Variants in KCNJ3 observed in about 807,000 individuals in gnomAD.
KCNJ3 encodes the protein G protein-activated inward rectifier potassium channel 1.
Under a neutral mutation model 39.2 loss-of-function variants are expected in KCNJ3, and 4 were observed. That is an observed-to-expected ratio of 0.10 (90% CI 0.05 to 0.23). The LOEUF is 0.23. Among genes scored for constraint, KCNJ3 ranks in the 10% least tolerant of loss-of-function variants. KCNJ3 has a pLI of 1.00. For missense variants in KCNJ3, 276 were observed against 634.9 expected (o/e 0.43, Z 6.08); for synonymous variants, 230 against 237.4 (o/e 0.97, Z 0.29).
intron 2 of KCNJ3, among the ~76,000 whole-genome samples, chr2:154,810,636 T>G (rs1391456848): frequency 1.3e-5 from 2 of 152,102 alleles, no homozygotes; most frequent in African/African-American, 2.4e-5. Context: ...AAAAAATCAT[T>G]AAGTGGTACC....
At chr2:154,804,243 G>A (rs116131527) in intron 2 of KCNJ3, among the ~76,000 whole-genome samples, 86 of 152,178 alleles carry the variant, frequency 5.7e-4, no homozygotes, top group African/African-American at 2.0e-3. Flanking sequence ...ATGAATGTTG[G>A]TAAATGTTGA....
chr2:154,798,378 A>C (rs1686756935), intron 2 of KCNJ3, among the ~76,000 whole-genome samples: 1 of 152,310 alleles, frequency 6.6e-6, no homozygotes, highest in African/African-American at 2.4e-5. Flanking sequence ...AATCTCAATC[A>C]AAATCTCAAC....
intron 2 of KCNJ3, among the ~76,000 whole-genome samples, chr2:154,757,647 C>G (rs957836097): frequency 1.3e-5 from 2 of 152,208 alleles, no homozygotes; most frequent in Admixed American, 1.3e-4. Flanking sequence ...GTTCAGGCTG[C>G]TATAACAAAA....
At chr2:154,751,263 A>G (rs959569260) in intron 2 of KCNJ3, among the ~76,000 whole-genome samples, 1 of 152,036 alleles carries the variant, frequency 6.6e-6, no homozygotes, top group African/African-American at 2.4e-5. Context: ...TATATGCTAT[A>G]CATTTTCTTC....
At chr2:154,813,909 T>C (rs918816364) in intron 2 of KCNJ3, among the ~76,000 whole-genome samples, 10 of 152,190 alleles carry the variant, frequency 6.6e-5, no homozygotes, top group Admixed American at 4.6e-4. Flanking sequence ...CCCTTTAATG[T>C]TATGTTTCAA....
chr2:154,705,236 CAAAT>C (rs533065885), intron 1 of KCNJ3, among the ~76,000 whole-genome samples: 1 of 152,114 alleles, frequency 6.6e-6, no homozygotes, highest in Non-Finnish European at 1.5e-5. Flanking sequence ...ATGTCCTTGA[CAAAT>C]GAATGTGGGC....
chr2:154,746,273 G>A (rs1685740620), intron 2 of KCNJ3, among the ~76,000 whole-genome samples: 1 of 151,836 alleles, frequency 6.6e-6, no homozygotes, highest in South Asian at 2.1e-4. Flanking sequence ...TCCGGTCAAT[G>A]GTAGAGTGGT....
At chr2:154,810,565 A>T (rs1266128273) in intron 2 of KCNJ3, among the ~76,000 whole-genome samples, 1 of 152,180 alleles carries the variant, frequency 6.6e-6, no homozygotes, top group African/African-American at 2.4e-5. Flanking sequence ...CAGTTAATCA[A>T]AGTAGAAGAA....
chr2:154,752,582 C>A, intron 2 of KCNJ3, among the ~76,000 whole-genome samples: 1 of 151,696 alleles, frequency 6.6e-6, no homozygotes, highest in Admixed American at 6.6e-5. Context: ...TATGATGATC[C>A]CAGTAATAGC....
At chr2:154,792,267 G>T (rs1179011280) in intron 2 of KCNJ3, among the ~76,000 whole-genome samples, 1 of 152,070 alleles carries the variant, frequency 6.6e-6, no homozygotes, top group Non-Finnish European at 1.5e-5. Context: ...GAGTAGAACA[G>T]AGGCTTGCTT....
At chr2:154,790,515 G>T (rs2105209964) in intron 2 of KCNJ3, among the ~76,000 whole-genome samples, 2 of 152,178 alleles carry the variant, frequency 1.3e-5, no homozygotes, top group East Asian at 3.9e-4. Context: ...TATGTTGATA[G>T]GATGATAGAT....
intron 2 of KCNJ3, among the ~76,000 whole-genome samples, chr2:154,786,965 A>G (rs549461047): frequency 1.5e-4 from 23 of 152,204 alleles, no homozygotes; most frequent in Non-Finnish European, 3.1e-4. Flanking sequence ...TTATTCTAAA[A>G]TTTAGCTTTC....
Position 154,855,125 on chromosome 2 carries a change from A to T in KCNJ3, c.1318A>T (p.Ile440Leu), listed in dbSNP as rs778477083. ...LGDLPMKLQRISSVPGNSEEK... is the reference protein window; with the variant it reads ...LGDLPMKLQRLSSVPGNSEEK... ...AGACTTGCCCATGAAACTTCAACGA[A>T]TAAGTTCAGTTCCGGGCAACTCAGA... Residue 440 changes from isoleucine (I) to leucine (L), a missense_variant, in exon 3 of 3, where the codon ATA becomes TTA. Ile to Leu is a conservative substitution (Grantham distance 5). Around this residue, in one of 4 missense-constraint regions of KCNJ3, gnomAD observed 126 missense variants for 179.8 expected, o/e 0.70. Transcript: ENST00000295101. 2 of 1,614,078 alleles carry T rather than the reference A, an allele frequency of 1.2e-6. No homozygotes were observed. The highest frequency in any genetic ancestry group is 1.3e-5 in the African/African-American group (1 of 75,062).
At chr2:154,735,758 T>C (rs1192213968) in intron 2 of KCNJ3, among the ~76,000 whole-genome samples, 4 of 152,210 alleles carry the variant, frequency 2.6e-5, no homozygotes, top group African/African-American at 9.6e-5. Flanking sequence ...TTAATTACTA[T>C]TTTAATATTT....
chr2:154,785,584 C>T (rs1035117565), intron 2 of KCNJ3, among the ~76,000 whole-genome samples: 13 of 152,104 alleles, frequency 8.5e-5, no homozygotes, highest in Non-Finnish European at 1.8e-4. Flanking sequence ...AAAGGTTCAT[C>T]GGCTCCCACA....
rs117803855 is a variant in KCNJ3 at position 154,744,980 on chromosome 2, T to G, written c.919+35161T>G. Among the ~76,000 whole-genome samples, 319 of 152,092 alleles carry G rather than the reference T, an allele frequency of 2.1e-3. 5 individuals are homozygous for G. In the East Asian group the frequency reaches 0.044, roughly 21 times the overall value. Reference sequence around the variant, plus strand: ...TTTATTTTCCTTGATATTTCTTCTTTGACCCACGGACTATTTAGAAGTATG... The same window carrying G: ...TTTATTTTCCTTGATATTTCTTCTTGGACCCACGGACTATTTAGAAGTATG... On this transcript the variant is annotated intron_variant, in intron 2 of 2. Transcript: ENST00000295101.
intron 2 of KCNJ3, among the ~76,000 whole-genome samples, chr2:154,813,567 T>G (rs1687036070): frequency 6.6e-6 from 1 of 152,234 alleles, no homozygotes; most frequent in Admixed American, 6.5e-5. Context: ...ATGGATATGG[T>G]AATTTGCCAC....
In KCNJ3 at chr2:154,719,373, G is replaced by A. The variant is rs554488538; in HGVS notation, c.919+9554G>A. Among the ~76,000 whole-genome samples, 142 of 152,206 alleles carry A rather than the reference G, an allele frequency of 9.3e-4. 1 individual carries two copies. Among genetic ancestry groups the A allele is most frequent in the African/African-American group, 3.2e-3 (133 of 41,562 alleles). On this transcript the variant is annotated intron_variant, in intron 2 of 2. Transcript: ENST00000295101. Reference sequence around the variant, plus strand: ...CTTTAAATTTCTGAAGTCTTCGGAGGTGAATCTTTGTTAATTCAGACTGTG... The same window carrying A: ...CTTTAAATTTCTGAAGTCTTCGGAGATGAATCTTTGTTAATTCAGACTGTG...
At chr2:154,780,616 G>T (rs1686422678) in intron 2 of KCNJ3, among the ~76,000 whole-genome samples, 1 of 152,052 alleles carries the variant, frequency 6.6e-6, no homozygotes, top group African/African-American at 2.4e-5. Flanking sequence ...TGGGGGTCAG[G>T]GAGGGGCTCC....
Sources: allele counts gnomAD v4.1 joint callset (sites outside exome capture counted in the v4.1 genomes callset), GRCh38; gene constraint gnomAD v4.1.1; regional missense constraint gnomAD v4.1.1; transcripts MANE v1.5; gene names NCBI Gene and HGNC (gene_info 2026-07-23, HGNC 2026-07-21).